The following NECTIN3 variants were observed in gnomAD, a reference collection of about 807,000 sequenced individuals.
The protein encoded by NECTIN3 is nectin cell adhesion molecule 3.
A neutral mutation model predicts 49.4 loss-of-function variants in NECTIN3; 8 were observed. That is an observed-to-expected ratio of 0.16 (90% CI 0.10 to 0.29). The LOEUF is 0.29. Among genes scored for constraint, NECTIN3 ranks in the 10% least tolerant of loss-of-function variants. The pLI, the probability that NECTIN3 is intolerant of heterozygous loss-of-function variation, is 1.00. For synonymous variants in NECTIN3, 277 were observed against 241.1 expected (o/e 1.15, Z -1.38); for missense variants, 581 against 654.6 (o/e 0.89, Z 1.23).
At chr3:111,151,588 C>G (rs141808779) in intron 7 of NECTIN3, among the ~76,000 whole-genome samples, 2 of 151,820 alleles carry the variant, frequency 1.3e-5, no homozygotes, top group Non-Finnish European at 2.9e-5. Flanking sequence ...CTGTAAGTAG[C>G]CTTTTAGCAT....
chr3:111,103,453 C>G (rs546832112), intron 1 of NECTIN3, among the ~76,000 whole-genome samples: 1 of 138,784 alleles, frequency 7.2e-6, no homozygotes, highest in Non-Finnish European at 1.6e-5. Flanking sequence ...AAGTGATTGA[C>G]TTTTTTTTTT....
In NECTIN3 at chr3:111,112,193, A is replaced by G. The variant is rs554073055; in HGVS notation, c.324A>G (p.Gln108=). 11 of 1,613,958 alleles carry G rather than the reference A, an allele frequency of 6.8e-6. No homozygotes were observed. The highest frequency in any genetic ancestry group is 6.7e-5 in the African/African-American group (5 of 75,032). Residue 108 remains glutamine (Q), a synonymous_variant, in exon 2 of 6, where the codon CAA becomes CAG. Transcript: ENST00000485303. ...AGACTGTTGCAGTTCACCATCCCCA[A>G]TATGGATTCTCTGTTCAAGGAGAAT... ...SSQTVAVHHP[Q]YGFSVQGEYQ... is the part of the protein sequence containing the mutation.
chr3:111,186,489 G>T (rs1306812494), intron 7 of NECTIN3, among the ~76,000 whole-genome samples: 3 of 152,118 alleles, frequency 2.0e-5, no homozygotes, highest in African/African-American at 4.8e-5. Flanking sequence ...AATGATGCTA[G>T]GGTAAATGGC....
intron 5 of NECTIN3, 83 bp from the exon 6 acceptor site, chr3:111,133,552 G>T: frequency 6.7e-7 from 1 of 1,498,518 alleles, no homozygotes; most frequent in Non-Finnish European, 8.9e-7. Context: ...TAACTGTGCT[G>T]TCTTGTCAAC....
chr3:111,086,343 G>A (rs2031925874), intron 1 of NECTIN3, among the ~76,000 whole-genome samples: 1 of 152,122 alleles, frequency 6.6e-6, no homozygotes, highest in African/African-American at 2.4e-5. Context: ...TTGTGTTTTT[G>A]TTTAGGAAAT....
intron 1 of NECTIN3, among the ~76,000 whole-genome samples, chr3:111,085,718 A>C (rs2031885422): frequency 6.7e-6 from 1 of 149,896 alleles, no homozygotes; most frequent in Non-Finnish European, 1.5e-5. Flanking sequence ...TTTTTTTACC[A>C]CTGTACGGTA....
intron 7 of NECTIN3, among the ~76,000 whole-genome samples, chr3:111,186,264 A>C (rs2035718523): frequency 6.6e-6 from 1 of 152,200 alleles, no homozygotes; most frequent in Non-Finnish European, 1.5e-5. Flanking sequence ...ATCATAAACA[A>C]AAAGAACAAA....
At chr3:111,147,327 G>A (rs1265860081) in intron 6 of NECTIN3, 4 of 1,141,554 alleles carry the variant, frequency 3.5e-6, no homozygotes, top group Middle Eastern at 2.0e-4. Context: ...CAAAACTTAT[G>A]AGAACCTTGA....
At chr3:111,072,338 G>A in intron 1 of NECTIN3, 161 bp downstream of exon 1, 1 of 1,439,986 alleles carries the variant, frequency 6.9e-7, no homozygotes, top group Non-Finnish European at 9.0e-7. Context: ...CGCCCGGGGC[G>A]AGGCCCTGGA....
Position 111,081,491 on chromosome 3 carries a change from C to G in NECTIN3, c.160+9314C>G, listed in dbSNP as rs564128242. ...AGTTACTTCTCTCCCTGTTTCCTCC[C>G]CTGTTAAATTGGCTAAATAATACTT... On this transcript the variant is annotated intron_variant, in intron 1 of 5. Coordinates refer to ENST00000485303, the MANE Select transcript of NECTIN3 (RefSeq NM_015480.3). Among the ~76,000 whole-genome samples the G allele has an allele frequency of 1.4e-4, 22 of 152,176 alleles. No individual in the cohort carries two copies. In the East Asian group the frequency reaches 4.3e-3, roughly 29 times the overall value.
chr3:111,146,998 A>G (rs534980154), intron 6 of NECTIN3, among the ~76,000 whole-genome samples: 28 of 152,302 alleles, frequency 1.8e-4, no homozygotes, highest in African/African-American at 6.0e-4. Flanking sequence ...TTGAAAATCA[A>G]TTTTGGAAGT....
At chr3:111,072,255 C>T (rs1011613529) in intron 1 of NECTIN3, 78 bp downstream of exon 1, 11 of 1,481,372 alleles carry the variant, frequency 7.4e-6, no homozygotes, top group African/African-American at 1.4e-5. Flanking sequence ...GCTCTGCCAG[C>T]CGTTCTCTGG....
Position 111,112,221 on chromosome 3 carries a change from C to G in NECTIN3, c.352C>G (p.Gln118Glu), listed in dbSNP as rs1222768124. The G allele has an allele frequency of 6.2e-7, 1 of 1,613,816 alleles. No homozygotes were observed. The highest frequency in any genetic ancestry group is 8.5e-7 in the Non-Finnish European group (1 of 1,179,840). ...TGGATTCTCTGTTCAAGGAGAATAT[C>G]AGGGAAGAGTCTTGTTTAAAAATTA... The part of the protein sequence containing the change: ...QYGFSVQGEY[Q>E]GRVLFKNYSL... The change falls in exon 2 of 6, where the codon CAG (glutamine) becomes GAG (glutamate). Residue 118 changes from glutamine (Q) to glutamate (E), a missense_variant. By Grantham distance (29) the Gln-to-Glu change is conservative (BLOSUM62 2). Around this residue, in one of 3 missense-constraint regions of NECTIN3, gnomAD observed 234 missense variants for 340.6 expected, o/e 0.69. Transcript: ENST00000485303.
intron 7 of NECTIN3, among the ~76,000 whole-genome samples, chr3:111,171,684 A>G (rs1181043318): frequency 6.6e-6 from 1 of 151,788 alleles, no homozygotes; most frequent in Non-Finnish European, 1.5e-5. Context: ...ATATGACCCT[A>G]CTGCACATGT....
chr3:111,140,689 G>T (rs1368738535), downstream of NECTIN3, among the ~76,000 whole-genome samples: 4 of 151,750 alleles, frequency 2.6e-5, no homozygotes, highest in Admixed American at 2.0e-4. Flanking sequence ...TAAGTTATTA[G>T]TTCACTCAGC....
At chr3:111,187,471 C>T (rs972012990), upstream of NECTIN3, among the ~76,000 whole-genome samples, 19 of 152,040 alleles carry the variant, frequency 1.2e-4, no homozygotes, top group Non-Finnish European at 2.4e-4. Context: ...TAATATTTAC[C>T]CATATGATGT....
chr3:111,182,695 C>T (rs1056086315), intron 7 of NECTIN3, among the ~76,000 whole-genome samples: 1 of 151,786 alleles, frequency 6.6e-6, no homozygotes, highest in Non-Finnish European at 1.5e-5. Context: ...GTTTTTCCAT[C>T]CCTTTGCTTT....
chr3:111,144,397 T>C (rs931689913), intron 5 of NECTIN3, among the ~76,000 whole-genome samples: 1 of 151,838 alleles, frequency 6.6e-6, no homozygotes, highest in African/African-American at 2.4e-5. Flanking sequence ...AAAATATTTT[T>C]CAAATTTTAC....
chr3:111,135,246 T>C lies in NECTIN3; in HGVS notation c.*1031T>C, dbSNP rs2034536467. ...TTTAGAGTAAACTTGGAACTTTGGA[T>C]ATAACTAGAAAAAACTAGATTATAG... On this transcript the variant is annotated 3_prime_UTR_variant, in exon 6 of 6. Coordinates refer to ENST00000485303, the MANE Select transcript of NECTIN3 (RefSeq NM_015480.3). 1 of 969,856 alleles carries C rather than the reference T, an allele frequency of 1.0e-6. No individual in the cohort carries two copies. Among genetic ancestry groups the C allele is most frequent in the East Asian group, 1.1e-4 (1 of 8,696 alleles). The allele number at this position is 969,856 out of a possible 1,614,324, so 60.1% of individuals were successfully genotyped here.
Sources: gnomAD v4.1 joint callset for allele counts (sites outside exome capture counted in the v4.1 genomes callset) on GRCh38, gnomAD v4.1.1 for gene constraint, gnomAD v4.1.1 regional missense constraint, MANE v1.5 for transcripts, NCBI Gene and HGNC (gene_info 2026-07-23, HGNC 2026-07-21) for gene names.